Variants in ARHGAP15 observed in about 807,000 individuals in gnomAD.
ARHGAP15 encodes the protein Rho GTPase activating protein 15.
Under a neutral mutation model 63.7 loss-of-function variants are expected in ARHGAP15, and 51 were observed. That is an observed-to-expected ratio of 0.80 (90% confidence interval 0.64 to 1.01). The LOEUF (loss-of-function observed/expected upper bound fraction) is 1.01. ARHGAP15 is among the 50% of genes least tolerant of loss of function. ARHGAP15 has a pLI of 0.00. For missense variants in ARHGAP15, 560 were observed against 564.6 expected (o/e 0.99, Z 0.08); for synonymous variants, 191 against 193.8 (o/e 0.99, Z 0.12).
intron 1 of ARHGAP15, among the ~76,000 whole-genome samples, chr2:143,152,226 T>C (rs1308905047): frequency 6.6e-6 from 1 of 151,964 alleles, no homozygotes; most frequent in African/African-American, 2.4e-5. Flanking sequence ...TGAAATCCAT[T>C]GTTTCTTTCT....
chr2:143,183,138 G>A (rs935995646), intron 2 of ARHGAP15, among the ~76,000 whole-genome samples: 4 of 152,194 alleles, frequency 2.6e-5, no homozygotes, highest in Admixed American at 1.3e-4. Context: ...GAGGCTCACT[G>A]AATATGTATT....
intron 12 of ARHGAP15, among the ~76,000 whole-genome samples, chr2:143,662,481 A>C (rs188964449): frequency 8.9e-4 from 128 of 144,444 alleles, no homozygotes; most frequent in African/African-American, 3.0e-3. Flanking sequence ...CAGAAGAGAA[A>C]ACTGGAAACT....
At chr2:143,409,550 A>G (rs181082152) in intron 6 of ARHGAP15, among the ~76,000 whole-genome samples, 125 of 152,188 alleles carry the variant, frequency 8.2e-4, no homozygotes, top group African/African-American at 2.9e-3. Context: ...AAAAAATGTT[A>G]TTATTCACCT....
chr2:143,740,266 C>T (rs1293589260), intron 13 of ARHGAP15, among the ~76,000 whole-genome samples: 3 of 152,184 alleles, frequency 2.0e-5, no homozygotes, highest in Admixed American at 6.5e-5. Flanking sequence ...CTAAACCAAT[C>T]TGCAGAGAAT....
chr2:143,722,866 C>T (rs751744451), intron 13 of ARHGAP15, among the ~76,000 whole-genome samples: 1 of 152,102 alleles, frequency 6.6e-6, no homozygotes, highest in African/African-American at 2.4e-5. Context: ...ATGGGTGGGG[C>T]TGGCAGAAAC....
chr2:143,230,137 G>A (rs2105175008), intron 5 of ARHGAP15, among the ~76,000 whole-genome samples: 1 of 152,252 alleles, frequency 6.6e-6, no homozygotes, highest in South Asian at 2.1e-4. Flanking sequence ...CTCTAAGGGG[G>A]AAGTCAGGAG....
intron 6 of ARHGAP15, among the ~76,000 whole-genome samples, chr2:143,290,429 GAAAA>G (rs371602011): frequency 7.2e-6 from 1 of 138,916 alleles, no homozygotes; most frequent in African/African-American, 2.7e-5. Flanking sequence ...TCCAAAAAAA[GAAAA>G]AAAAAAAGGG....
At chr2:143,526,401 A>G (rs1384544312) in intron 10 of ARHGAP15, among the ~76,000 whole-genome samples, 6 of 151,434 alleles carry the variant, frequency 4.0e-5, no homozygotes, top group African/African-American at 1.5e-4. Flanking sequence ...TCCACCCCCA[A>G]TGTAAAGTTT....
intron 12 of ARHGAP15, among the ~76,000 whole-genome samples, chr2:143,694,468 T>G (rs1443304906): frequency 6.6e-6 from 1 of 151,916 alleles, no homozygotes; most frequent in Admixed American, 6.6e-5. Context: ...TAGCTGGCAG[T>G]TTTTTTTCCG....
At chr2:143,627,848 G>A (rs777143876) in intron 12 of ARHGAP15, among the ~76,000 whole-genome samples, 1 of 151,984 alleles carries the variant, frequency 6.6e-6, no homozygotes, top group East Asian at 1.9e-4. Flanking sequence ...TTTTATTTTA[G>A]ATTAAGAAGG....
chr2:143,426,704 T>A (rs1436031335), intron 6 of ARHGAP15, among the ~76,000 whole-genome samples: 1 of 152,172 alleles, frequency 6.6e-6, no homozygotes, highest in Non-Finnish European at 1.5e-5. Flanking sequence ...AGACCAACTT[T>A]GGGTAGCGAG....
chr2:143,454,729 C>T (rs922478864), intron 8 of ARHGAP15, among the ~76,000 whole-genome samples: 7 of 152,012 alleles, frequency 4.6e-5, no homozygotes, highest in African/African-American at 1.4e-4. Flanking sequence ...ATAATACAAG[C>T]GGATTAACTC....
chr2:143,759,622 C>T (rs11885880), intron 13 of ARHGAP15, among the ~76,000 whole-genome samples: 1,678 of 152,236 alleles, frequency 0.011, 30 homozygotes, highest in African/African-American at 0.038. Context: ...TTTCCCTTTG[C>T]TCCCTGGCCT....
At chr2:143,158,896 T>C (rs1394816900) in intron 2 of ARHGAP15, among the ~76,000 whole-genome samples, 1 of 151,998 alleles carries the variant, frequency 6.6e-6, no homozygotes, top group African/African-American at 2.4e-5. Flanking sequence ...AAAGGTTTAA[T>C]GTGGCTTTGA....
chr2:143,552,737 C>T (rs1695626026), intron 10 of ARHGAP15, among the ~76,000 whole-genome samples: 1 of 152,096 alleles, frequency 6.6e-6, no homozygotes, highest in Non-Finnish European at 1.5e-5. Context: ...ACCATTAATG[C>T]CACTCTTATT....
At chr2:143,618,615 A>G (rs1698531392) in intron 11 of ARHGAP15, among the ~76,000 whole-genome samples, 1 of 152,214 alleles carries the variant, frequency 6.6e-6, no homozygotes, top group Non-Finnish European at 1.5e-5. Flanking sequence ...AAACTATTAC[A>G]AGGTAAAGAA....
rs532393977 is a variant in ARHGAP15, at chr2:143,663,936, GA to G, written c.1139-39482del. Among the ~76,000 whole-genome samples the G allele has an allele frequency of 1.7e-4, 26 of 152,160 alleles. No individual in the cohort carries two copies. The South Asian group carries it at 2.3e-3, about 13-fold the overall frequency. The stretch of plus-strand genomic sequence containing the variant: ...GCAAGTCCTGAGTGACCTACAAAGA[GA>G]TTTAGACTCCCACACATTAATAATG... On this transcript the variant is annotated intron_variant, in intron 12 of 13. Transcript: ENST00000295095.
chr2:143,453,330 T>C (rs1477314311), intron 8 of ARHGAP15, among the ~76,000 whole-genome samples: 1 of 151,978 alleles, frequency 6.6e-6, no homozygotes, highest in Admixed American at 6.6e-5. Context: ...CTACAAACTT[T>C]GAGCCAGTCA....
chr2:143,351,656 TTA>T (rs1414101190), intron 6 of ARHGAP15, among the ~76,000 whole-genome samples: 2 of 152,124 alleles, frequency 1.3e-5, no homozygotes, highest in African/African-American at 4.8e-5. Context: ...GCATCTGTAA[TTA>T]TGTTAGCTTG....
Sources: allele counts gnomAD v4.1 joint callset (sites outside exome capture counted in the v4.1 genomes callset), GRCh38; gene constraint gnomAD v4.1.1; transcripts MANE v1.5; gene names NCBI Gene and HGNC (gene_info 2026-07-23, HGNC 2026-07-21).